Variants in PCDHA5 observed in about 807,000 individuals in gnomAD.
PCDHA5 encodes the protein protocadherin alpha 5.
PCDHA5 carries 43 observed loss-of-function variants against 61.6 expected under a neutral mutation model. The observed-to-expected ratio is 0.70, with a 90% CI of 0.55 to 0.90. The LOEUF is 0.90. PCDHA5 is among the 40% of genes least tolerant of loss of function. The pLI, the probability that PCDHA5 is intolerant of heterozygous loss-of-function variation, is 0.00. For missense variants in PCDHA5, 1,298 were observed against 1,222.7 expected, an observed-to-expected ratio of 1.06 and a Z score of -0.92; for synonymous variants, 627 against 543.9, an observed-to-expected ratio of 1.15 and a Z score of -2.13.
At chr5:141,008,488 C>A (rs1300609417) in intron 3 of PCDHA5, among the ~76,000 whole-genome samples, 1 of 152,124 alleles carries the variant, frequency 6.6e-6, no homozygotes, top group Non-Finnish European at 1.5e-5. Flanking sequence ...CTAGAAGTCA[C>A]TGGTATACTT....
chr5:140,836,508 A>G (rs2150262609), intron 1 of PCDHA5: 1 of 1,613,830 alleles, frequency 6.2e-7, no homozygotes, highest in Non-Finnish European at 8.5e-7. Context: ...CGCGGTGTCC[A>G]GTCTGTTGGT....
Position 140,852,971 on chromosome 5 carries a change from C to T in PCDHA5, c.2352+28844C>T, listed in dbSNP as rs563659563. Reference sequence around the variant, plus strand: ...TTGGCTCACTCCAAGCTCCCCCTCCCGTGTTCACGCCATTCTCCTGCCTCA... The same window carrying T: ...TTGGCTCACTCCAAGCTCCCCCTCCTGTGTTCACGCCATTCTCCTGCCTCA... On this transcript the variant is annotated intron_variant, in intron 1 of 3. Coordinates refer to ENST00000529859, the MANE Select transcript of PCDHA5 (RefSeq NM_018908.3). 23 of 376,480 alleles carry T rather than the reference C, an allele frequency of 6.1e-5. 1 individual carries two copies. The highest frequency in any genetic ancestry group is 5.5e-4 in the South Asian group (5 of 9,156). 23.3% of individuals were successfully genotyped at this position (376,480 alleles called of 1,614,324 possible).
chr5:140,966,050 C>T (rs1554228018), intron 1 of PCDHA5, among the ~76,000 whole-genome samples: 3 of 152,206 alleles, frequency 2.0e-5, no homozygotes, highest in African/African-American at 7.2e-5. Context: ...TCGCCAGTAA[C>T]CCCAGAGCGC....
In PCDHA5 at chr5:140,958,926, C is replaced by T. The variant is rs2095452227; in HGVS notation, c.2353-20023C>T. Among the ~76,000 whole-genome samples the T allele has an allele frequency of 2.1e-5, 3 of 143,506 alleles. No individual in the cohort carries two copies. The Admixed American group carries it at 2.1e-4, about 10-fold the overall frequency. The allele number at this position is 143,506 out of a possible 152,430, so 94.1% of individuals were successfully genotyped here. A position where few individuals can be genotyped will look rare whatever the true frequency, so the allele number is the denominator to read the frequency against. Reference sequence around the variant, plus strand: ...AGAAAAGTCTGCCTGGGTGTGGTGGCTCATACTTGTAATAATATTATATTA... The same window carrying T: ...AGAAAAGTCTGCCTGGGTGTGGTGGTTCATACTTGTAATAATATTATATTA... On this transcript the variant is annotated intron_variant, in intron 1 of 3. Transcript: ENST00000529859.
chr5:140,850,213 C>G (rs2041430498), intron 1 of PCDHA5: 1 of 1,593,510 alleles, frequency 6.3e-7, no homozygotes, highest in Admixed American at 1.7e-5. Flanking sequence ...ATGAGGGGCA[C>G]TGACGGCGCA....
At chr5:140,901,022 A>G (rs2068415143) in intron 1 of PCDHA5, among the ~76,000 whole-genome samples, 1 of 152,166 alleles carries the variant, frequency 6.6e-6, no homozygotes, top group Non-Finnish European at 1.5e-5. Flanking sequence ...AGAAACATCT[A>G]TTCAACTCTT....
intron 1 of PCDHA5, among the ~76,000 whole-genome samples, chr5:140,925,964 C>CA (rs782520997): frequency 4.3e-4 from 65 of 150,204 alleles, no homozygotes; most frequent in Middle Eastern, 3.4e-3. Flanking sequence ...TGCTATCACG[C>CA]AAAAAAAAAG....
At chr5:140,877,116 C>T in intron 1 of PCDHA5, 4 of 1,613,672 alleles carry the variant, frequency 2.5e-6, no homozygotes, top group Non-Finnish European at 2.5e-6. Context: ...TGGGCAGCAA[C>T]GTGACGCTGC....
Position 140,839,190 on chromosome 5 carries a change from A to G in PCDHA5, c.2352+15063A>G, listed in dbSNP as rs185787528. Among the ~76,000 whole-genome samples, 211 of 138,022 alleles carry G rather than the reference A, an allele frequency of 1.5e-3. 1 individual carries two copies. The highest frequency in any genetic ancestry group is 4.2e-3 in the Admixed American group (57 of 13,704). The allele number at this position is 138,022 out of a possible 152,430, so 90.5% of individuals were successfully genotyped here. A position where few individuals can be genotyped will look rare whatever the true frequency, so the allele number is the denominator to read the frequency against. ...GATATTCAGTTTTGTGGAAAAATCTATAAATATCTTTGACCTTCAAAGATG... is the reference window on the plus strand; with the variant it reads ...GATATTCAGTTTTGTGGAAAAATCTGTAAATATCTTTGACCTTCAAAGATG... On this transcript the variant is annotated intron_variant, in intron 1 of 3. Transcript: ENST00000529859.
chr5:140,876,481 C>G, intron 1 of PCDHA5: 1 of 1,613,996 alleles, frequency 6.2e-7, no homozygotes, highest in Non-Finnish European at 8.5e-7. Context: ...CAGCATGGTC[C>G]TGGTGGAAGT....
chr5:140,842,933 C>A (rs1356851691), intron 1 of PCDHA5: 6 of 1,594,424 alleles, frequency 3.8e-6, no homozygotes, highest in Non-Finnish European at 4.3e-6. Context: ...GGTGAGCGCG[C>A]GCGACGCGGG....
chr5:140,871,146 T>G (rs372974792), intron 1 of PCDHA5: 2 of 1,613,386 alleles, frequency 1.2e-6, no homozygotes, highest in African/African-American at 2.7e-5. Flanking sequence ...CTTCCCGGAC[T>G]TTGGCGGGCG....
intron 3 of PCDHA5, among the ~76,000 whole-genome samples, chr5:140,991,251 A>G (rs2097441392): frequency 6.6e-6 from 1 of 152,306 alleles, no homozygotes; most frequent in South Asian, 2.1e-4. Context: ...GCAGTATTTG[A>G]ACTCATGTCT....
intron 1 of PCDHA5, chr5:140,828,566 G>A (rs148766603): frequency 2.5e-6 from 4 of 1,614,098 alleles, no homozygotes; most frequent in African/African-American, 1.3e-5. Flanking sequence ...GGGCGCGTCC[G>A]ATGCAGATGT....
intron 1 of PCDHA5, chr5:140,866,169 T>C (rs914189373): frequency 2.0e-5 from 3 of 152,132 alleles, no homozygotes; most frequent in African/African-American, 4.8e-5. Context: ...TCGTTTAACA[T>C]GTAAGAAAAG....
intron 3 of PCDHA5, among the ~76,000 whole-genome samples, chr5:140,990,611 G>A (rs577900189): frequency 6.6e-6 from 1 of 152,116 alleles, no homozygotes; most frequent in Non-Finnish European, 1.5e-5. Context: ...GATGAATACC[G>A]TAAAGGTCTG....
At chr5:140,911,160 G>A (rs1226577638) in intron 1 of PCDHA5, among the ~76,000 whole-genome samples, 1 of 152,086 alleles carries the variant, frequency 6.6e-6, no homozygotes, top group African/African-American at 2.4e-5. Context: ...AGACAAATGT[G>A]GAAAGGCTGA....
At chr5:140,996,077 G>A in intron 3 of PCDHA5, among the ~76,000 whole-genome samples, 1 of 152,218 alleles carries the variant, frequency 6.6e-6, no homozygotes, top group East Asian at 1.9e-4. Flanking sequence ...GATTCAAGAT[G>A]TTTTTGCTAG....
At chr5:140,946,191 CAAAAG>C (rs2093900144) in intron 1 of PCDHA5, among the ~76,000 whole-genome samples, 1 of 151,950 alleles carries the variant, frequency 6.6e-6, no homozygotes, top group Non-Finnish European at 1.5e-5. Flanking sequence ...AGACATTTCT[CAAAAG>C]AAAGCACACA....
Sources: allele counts gnomAD v4.1 joint callset (sites outside exome capture counted in the v4.1 genomes callset), GRCh38; gene constraint gnomAD v4.1.1; transcripts MANE v1.5; gene names NCBI Gene and HGNC (gene_info 2026-07-23, HGNC 2026-07-21).